PRSS55: variants seen among roughly 807,000 people sequenced by gnomAD.
PRSS55 encodes the protein serine protease 55.
Under a neutral mutation model 23.6 loss-of-function variants are expected in PRSS55, and 41 were observed. The ratio of observed to expected loss-of-function variants is 1.74; its 90% CI spans 1.35 to 2.26. The LOEUF (loss-of-function observed/expected upper bound fraction) is 2.26, where lower values mean the gene tolerates loss of function less well. Among genes scored for constraint, PRSS55 ranks in the 30% most tolerant of loss-of-function variants. The pLI is 0.00. For synonymous variants in PRSS55, 262 were observed against 175.5 expected, an observed-to-expected ratio of 1.49 and a Z score of -3.90; for missense variants, 669 against 439.1, an observed-to-expected ratio of 1.52 and a Z score of -4.68.
intron 1 of PRSS55, among the ~76,000 whole-genome samples, chr8:10,527,147 C>G (rs1812054232): frequency 6.6e-6 from 1 of 152,222 alleles, no homozygotes; most frequent in South Asian, 2.1e-4. Context: ...GACTTTTTCA[C>G]TCAATTTTAT....
rs370326919 is a variant in PRSS55 at position 10,538,441 on chromosome 8, C to A, written c.742-35C>A. The A allele has an allele frequency of 2.8e-5, 43 of 1,521,588 alleles. No homozygotes were observed. In the African/African-American group the frequency reaches 3.4e-4, roughly 12 times the overall value. 94.3% of individuals were successfully genotyped at this position (1,521,588 alleles called of 1,614,324 possible). ...CAGCCTCAGATGGGCAGCTTAGAACCGGACTCCCTGCTGAGCTGTGTTCTC... is the reference window on the plus strand; with the variant it reads ...CAGCCTCAGATGGGCAGCTTAGAACAGGACTCCCTGCTGAGCTGTGTTCTC... On this transcript the variant is annotated intron_variant, in intron 4 of 4. Transcript: ENST00000328655.
chr8:10,538,350 AG>A, intron 4 of PRSS55, 125 bp from the exon 5 acceptor site: 1 of 706,504 alleles, frequency 1.4e-6, no homozygotes, highest in Non-Finnish European at 2.4e-6. Context: ...CCCGTGGAGC[AG>A]GGATGGGGTG....
At chr8:10,529,246 C>G (rs1015108460) in intron 1 of PRSS55, among the ~76,000 whole-genome samples, 1 of 152,192 alleles carries the variant, frequency 6.6e-6, no homozygotes, top group Non-Finnish European at 1.5e-5. Flanking sequence ...AAGTGACTCT[C>G]CTGAGGTCAC....
chr8:10,549,570 T>G (rs1812906163), intron 4 of PRSS55, among the ~76,000 whole-genome samples: 1 of 152,106 alleles, frequency 6.6e-6, no homozygotes. Flanking sequence ...ACCCCACAGA[T>G]CATCAAGAAA....
chr8:10,550,842 G>A (rs7821946), intron 4 of PRSS55, among the ~76,000 whole-genome samples: 42,820 of 152,166 alleles, frequency 0.28, 6,164 homozygotes, highest in Middle Eastern at 0.33. Context: ...GTGTGTGTGC[G>A]TGAGCACAAA....
chr8:10,526,623 G>C (rs559698060), intron 1 of PRSS55, among the ~76,000 whole-genome samples: 1 of 152,226 alleles, frequency 6.6e-6, no homozygotes. Context: ...GCTCTGGCAT[G>C]AACCTGAAAG....
intron 1 of PRSS55, among the ~76,000 whole-genome samples, chr8:10,528,285 C>T (rs908495846): frequency 1.3e-5 from 2 of 151,952 alleles, no homozygotes; most frequent in Admixed American, 6.5e-5. Flanking sequence ...GCTAAGTTCT[C>T]ACTCCCGTAT....
intron 4 of PRSS55, among the ~76,000 whole-genome samples, chr8:10,546,603 C>G (rs1251507379): frequency 2.6e-5 from 4 of 152,184 alleles, no homozygotes; most frequent in African/African-American, 7.2e-5. Context: ...CCTGTTGCCC[C>G]CTCCAGGAAG....
chr8:10,553,525 A>T (rs1485856200), intron 4 of PRSS55, among the ~76,000 whole-genome samples: 1 of 152,192 alleles, frequency 6.6e-6, no homozygotes, highest in African/African-American at 2.4e-5. Flanking sequence ...AGGACATTAG[A>T]CTAAGTGAAT....
intron 4 of PRSS55, among the ~76,000 whole-genome samples, chr8:10,550,832 G>T (rs545990239): frequency 6.6e-6 from 1 of 152,212 alleles, no homozygotes; most frequent in African/African-American, 2.4e-5. Flanking sequence ...GTGTGTGCAC[G>T]TGTGTGTGCG....
chr8:10,538,904 CAGG>C, downstream of PRSS55: 1 of 1,138,308 alleles, frequency 8.8e-7, no homozygotes, highest in Non-Finnish European at 1.2e-6. Flanking sequence ...AGGCTGGGAC[CAGG>C]AGGACCAGAG....
chr8:10,544,367 GT>G lies in PRSS55; in HGVS notation c.742-9573del, dbSNP rs550076489. 1.4e-4 allele frequency among the ~76,000 whole-genome samples: 22 copies of G among 151,834 alleles called. No individual in the cohort carries two copies. The East Asian group carries it at 4.2e-3, about 29-fold the overall frequency. Reference sequence around the variant, plus strand: ...CTCTTTCATCATTATCATTTGCATAGTTTATCTGTTTCTTTTTATTTTTAAC... The same window carrying G: ...CTCTTTCATCATTATCATTTGCATAGTTATCTGTTTCTTTTTATTTTTAAC... On this transcript the variant is annotated intron_variant, in intron 4 of 4. Coordinates refer to the PRSS55 transcript ENST00000522210.
downstream of PRSS55, chr8:10,540,850 A>AGTGGAGTGGAG (rs1427161335): frequency 2.6e-5 from 4 of 152,344 alleles, no homozygotes; most frequent in African/African-American, 9.6e-5. Context: ...GGACTCAGGC[A>AGTGGAGTGGAG]GGCCCAGTGG....
At chr8:10,537,797 T>C (rs921788982) in intron 4 of PRSS55, among the ~76,000 whole-genome samples, 8 of 152,158 alleles carry the variant, frequency 5.3e-5, no homozygotes, top group Non-Finnish European at 1.0e-4. Flanking sequence ...CAGTCTACCA[T>C]AGAACCCTCA....
chr8:10,528,308 A>G (rs1007844930), intron 1 of PRSS55, among the ~76,000 whole-genome samples: 2 of 152,222 alleles, frequency 1.3e-5, no homozygotes, highest in Non-Finnish European at 2.9e-5. Context: ...TTTTAAACCA[A>G]AAATGACCAC....
At chr8:10,552,991 G>T (rs979777516) in intron 4 of PRSS55, among the ~76,000 whole-genome samples, 5 of 152,216 alleles carry the variant, frequency 3.3e-5, no homozygotes, top group Non-Finnish European at 7.3e-5. Context: ...ATTCATAATA[G>T]CCAAGACATG....
At chr8:10,548,822 T>C (rs1406066814) in intron 4 of PRSS55, among the ~76,000 whole-genome samples, 1 of 152,130 alleles carries the variant, frequency 6.6e-6, no homozygotes, top group Non-Finnish European at 1.5e-5. Context: ...AAGCCTTTTA[T>C]TAAAGCATCT....
In PRSS55 at chr8:10,532,975, C is replaced by T; in HGVS notation, c.668C>T (p.Ser223Leu). ...GTCATCATGGACTGGGAGGAGTGTT[C>T]AAAGATGTTTCCAAAACTTACCAAA... is the stretch of plus-strand genomic sequence containing the variant. ...PMVIMDWEEC[S>L]KMFPKLTKNM... is the part of the protein sequence containing the mutation. Residue 223 changes from serine (S) to leucine (L), a missense_variant, in exon 4 of 5, where the codon TCA becomes TTA. Physicochemically the swap from Ser to Leu is moderately radical, Grantham distance 145. Transcript: ENST00000328655. 1.9e-6 allele frequency: 3 copies of T among 1,614,170 alleles called. No homozygotes were observed. The highest frequency in any genetic ancestry group is 1.1e-5 in the South Asian group (1 of 91,080).
At position 10,538,757 on chromosome 8, in the gene PRSS55, C is replaced by G; in HGVS notation, c.1023C>G (p.Pro341=). ...GSPRSWLLLC[P]LSHVLFRAIL... ...CCAGATCCTGGCTCCTGCTCTGTCC[C>G]CTGTCCCATGTGTTGTTCAGAGCTA... The change falls in exon 5 of 5, where the codon CCC becomes CCG. Residue 341 remains proline, a synonymous_variant. Coordinates refer to ENST00000328655, the MANE Select transcript of PRSS55 (RefSeq NM_198464.4). The G allele has an allele frequency of 6.9e-6, 11 of 1,604,388 alleles. No homozygotes were observed. Among genetic ancestry groups the G allele is most frequent in the Non-Finnish European group, 9.4e-6 (11 of 1,176,298 alleles).
Sources: allele counts gnomAD v4.1 joint callset (sites outside exome capture counted in the v4.1 genomes callset), GRCh38; gene constraint gnomAD v4.1.1; transcripts MANE v1.5; gene names NCBI Gene and HGNC (gene_info 2026-07-23, HGNC 2026-07-21).